Variants in CTRB1 observed in about 807,000 individuals in gnomAD.
CTRB1 encodes the protein chymotrypsinogen B1, also known as chymotrypsinogen B.
In CTRB1, 15 loss-of-function variants were observed where a neutral mutation model predicts 20.4. That is an observed-to-expected ratio of 0.74 (90% CI 0.49 to 1.13). The LOEUF is 1.13. Among genes scored for constraint, CTRB1 ranks in the 50% most tolerant of loss-of-function variants. The pLI is 0.00. For missense variants in CTRB1, 227 were observed against 290.1 expected, an observed-to-expected ratio of 0.78 and a Z score of 1.58; for synonymous variants, 92 against 128.4, an observed-to-expected ratio of 0.72 and a Z score of 1.92.
chr16:75,222,488 T>C, intron 1 of CTRB1: 1 of 522,504 alleles, frequency 1.9e-6, no homozygotes. Flanking sequence ...CAGGCAGTCT[T>C]ACAGCCCGGC....
At chr16:75,220,018 G>T (rs1285676686) in intron 1 of CTRB1, among the ~76,000 whole-genome samples, 1 of 152,056 alleles carries the variant, frequency 6.6e-6, no homozygotes, top group African/African-American at 2.4e-5. Flanking sequence ...TTGAGACAGG[G>T]TCTCACTCTG....
chr16:75,223,803 G>A (rs1338586203), intron 5 of CTRB1, among the ~76,000 whole-genome samples, 175 bp downstream of exon 5: 1 of 5,068 alleles, frequency 2.0e-4, no homozygotes, highest in East Asian at 2.5e-3. Flanking sequence ...TGAGGAGCCT[G>A]CACAGGGAGC....
intron 1 of CTRB1, among the ~76,000 whole-genome samples, chr16:75,221,759 G>A (rs1376729512): frequency 1.3e-5 from 2 of 151,974 alleles, no homozygotes; most frequent in Non-Finnish European, 2.9e-5. Context: ...GATTGCTTCA[G>A]CCCGGGAATT....
At chr16:75,220,409 C>G (rs761972713) in intron 1 of CTRB1, among the ~76,000 whole-genome samples, 5 of 152,186 alleles carry the variant, frequency 3.3e-5, no homozygotes, top group Non-Finnish European at 4.4e-5. Context: ...GTCTTGAACT[C>G]CTAACCTCCA....
At chr16:75,221,992 C>T (rs1485309805) in intron 1 of CTRB1, among the ~76,000 whole-genome samples, 7 of 146,042 alleles carry the variant, frequency 4.8e-5, no homozygotes, top group Admixed American at 2.1e-4. Context: ...ACCCAGGAGG[C>T]GGAGCTTGCA....
chr16:75,224,687 C>A lies in CTRB1; in HGVS notation c.631-18C>A, dbSNP rs775361190. 1 of 1,598,646 alleles carries A rather than the reference C, an allele frequency of 6.3e-7. No individual in the cohort carries two copies. The highest frequency in any genetic ancestry group is 1.3e-5 in the African/African-American group (1 of 74,202). On this transcript the variant is annotated intron_variant, in intron 6 of 6. Transcript: ENST00000361017. Reference sequence around the variant, plus strand: ...GTCTCGGCTGCCAGATCCAAGCCCCCTTCTCCCTCTCCCACAGGGCGACTC... The same window carrying A: ...GTCTCGGCTGCCAGATCCAAGCCCCATTCTCCCTCTCCCACAGGGCGACTC...
Position 75,222,976 on chromosome 16 carries a change from C to T in CTRB1, c.164C>T (p.Thr55Ile). ...WPWQVSLQDKTGFHFCGGSLI... is the reference protein window; with the variant it reads ...WPWQVSLQDKIGFHFCGGSLI... ...TCCCCATCTTGCTCACAGGACAAAACCGGCTTCCACTTCTGCGGGGGCTCC... is the reference window on the plus strand; with the variant it reads ...TCCCCATCTTGCTCACAGGACAAAATCGGCTTCCACTTCTGCGGGGGCTCC... Residue 55 changes from threonine (T) to isoleucine (I), a missense_variant, in exon 3 of 7, where the codon ACC (threonine) becomes ATC (isoleucine). Thr to Ile is a moderately conservative substitution (Grantham distance 89). This residue lies in a region of CTRB1 where 12 missense variants were observed against 92.4 expected (regional missense o/e 0.13). Coordinates refer to ENST00000361017, the MANE Select transcript of CTRB1 (RefSeq NM_001906.6). 5.7e-6 allele frequency: 6 copies of T among 1,057,548 alleles called. No homozygotes were observed. Among genetic ancestry groups the T allele is most frequent in the Non-Finnish European group, 6.7e-6 (5 of 744,918 alleles). 65.5% of individuals were successfully genotyped at this position (1,057,548 alleles called of 1,614,324 possible).
chr16:75,219,981 TTTTTGGTTTTGG>T (rs11275637), intron 1 of CTRB1, among the ~76,000 whole-genome samples: 31,945 of 151,784 alleles, frequency 0.21, 3,569 homozygotes, highest in African/African-American at 0.27. Flanking sequence ...TTCTATCCTG[TTTTTGGTTTTGG>T]TTTTGGTTTT....
At chr16:75,220,453 G>A (rs1030399303) in intron 1 of CTRB1, among the ~76,000 whole-genome samples, 1 of 152,154 alleles carries the variant, frequency 6.6e-6, no homozygotes, top group Admixed American at 6.6e-5. Flanking sequence ...CAAAGTGATG[G>A]GATTACAGGC....
chr16:75,222,799 C>T lies in CTRB1; in HGVS notation c.84C>T (p.Leu28=). Residue 28 remains leucine, a synonymous_variant, in exon 2 of 7, where the codon CTC becomes CTT. Transcript: ENST00000361017. ...GGGTCCCCGCCATCCACCCTGTGCT[C>T]AGCGGCCTGTCCAGGATCGTGAATG... The part of the protein sequence containing the change: ...GCGVPAIHPV[L]SGLSRIVNGE... 1.3e-6 allele frequency: 2 copies of T among 1,554,388 alleles called. No individual in the cohort carries two copies. Among genetic ancestry groups the T allele is most frequent in the South Asian group, 1.2e-5 (1 of 84,558 alleles).
intron 1 of CTRB1, among the ~76,000 whole-genome samples, chr16:75,219,359 T>G (rs2039045783): frequency 6.6e-6 from 1 of 151,724 alleles, no homozygotes; most frequent in Non-Finnish European, 1.5e-5. Context: ...GTTTTTATTG[T>G]GCTGGGTACT....
intron 1 of CTRB1, 151 bp downstream of exon 1, chr16:75,219,210 G>C: frequency 1.3e-6 from 1 of 747,726 alleles, no homozygotes; most frequent in Non-Finnish European, 2.1e-6. Flanking sequence ...GGCTTTCTGA[G>C]CCCACACAAC....
rs1470381698 is a variant in CTRB1 at position 75,219,143 on chromosome 16, C to T, written c.52+84C>T. The T allele has an allele frequency of 4.2e-6, 6 of 1,412,884 alleles. No homozygotes were observed. In the South Asian group the frequency reaches 6.2e-5, roughly 15 times the overall value. The allele number at this position is 1,412,884 out of a possible 1,614,324, so 87.5% of individuals were successfully genotyped here. A position where few individuals can be genotyped will look rare whatever the true frequency, so the allele number is the denominator to read the frequency against. On this transcript the variant is annotated intron_variant, in intron 1 of 6. Coordinates refer to ENST00000361017, the MANE Select transcript of CTRB1 (RefSeq NM_001906.6). Reference sequence around the variant, plus strand: ...GGATCTGAGTCCCCTGCTCTGCCCCCTGGGGCCTCATCCCCAGCACAGGTA... The same window carrying T: ...GGATCTGAGTCCCCTGCTCTGCCCCTTGGGGCCTCATCCCCAGCACAGGTA...
At chr16:75,219,572 C>T (rs572819570) in intron 1 of CTRB1, among the ~76,000 whole-genome samples, 3 of 152,130 alleles carry the variant, frequency 2.0e-5, no homozygotes, top group South Asian at 2.1e-4. Context: ...TTAGTAGAGA[C>T]GGGCTTTCAC....
At chr16:75,219,414 A>T (rs568345510) in intron 1 of CTRB1, among the ~76,000 whole-genome samples, 1 of 151,268 alleles carries the variant, frequency 6.6e-6, no homozygotes, top group East Asian at 1.9e-4. Flanking sequence ...TTTTCGAGAC[A>T]GAATTTCACT....
intron 1 of CTRB1, among the ~76,000 whole-genome samples, chr16:75,219,260 T>C (rs1229332535): frequency 1.3e-5 from 2 of 152,132 alleles, no homozygotes; most frequent in Non-Finnish European, 2.9e-5. Flanking sequence ...GTCTCTGCCA[T>C]GGTCTGAGGC....
In CTRB1 at chr16:75,219,028, C is replaced by G; in HGVS notation, c.21C>G (p.Leu7=). The change falls in exon 1 of 7, where the codon CTC becomes CTG. Residue 7 remains leucine, a synonymous_variant. Coordinates refer to ENST00000361017, the MANE Select transcript of CTRB1 (RefSeq NM_001906.6). Reference sequence around the variant, plus strand: ...GCGGCATGGCTTCCCTCTGGCTCCTCTCCTGCTTCTCCCTTGTGGGGGCCG... The same window carrying G: ...GCGGCATGGCTTCCCTCTGGCTCCTGTCCTGCTTCTCCCTTGTGGGGGCCG... The part of the protein sequence containing the change: MASLWL[L]SCFSLVGAAF... The G allele has an allele frequency of 6.3e-7, 1 of 1,592,760 alleles. No individual in the cohort carries two copies. Among genetic ancestry groups the G allele is most frequent in the Non-Finnish European group, 8.5e-7 (1 of 1,171,188 alleles).
intron 1 of CTRB1, among the ~76,000 whole-genome samples, chr16:75,222,032 G>T (rs1403409355): frequency 1.4e-5 from 2 of 138,356 alleles, no homozygotes; most frequent in Admixed American, 7.9e-5. Flanking sequence ...CTGTACTCCA[G>T]CCTGGGCAAC....
chr16:75,224,312 T>C, intron 6 of CTRB1, 124 bp downstream of exon 6: 1 of 1,525,516 alleles, frequency 6.6e-7, no homozygotes, highest in South Asian at 1.2e-5. Context: ...GTCGCCTTGT[T>C]GCAAAATTCC....
Sources: allele counts gnomAD v4.1 joint callset (sites outside exome capture counted in the v4.1 genomes callset), GRCh38; gene constraint gnomAD v4.1.1; regional missense constraint gnomAD v4.1.1; transcripts MANE v1.5; gene names NCBI Gene and HGNC (gene_info 2026-07-23, HGNC 2026-07-21).